Variants in TFAP2D observed in about 807,000 individuals in gnomAD.
TFAP2D encodes the protein transcription factor AP-2 delta.
A neutral mutation model predicts 43.6 loss-of-function variants in TFAP2D; 9 were observed. That is an observed-to-expected ratio of 0.21 (90% CI 0.12 to 0.36). TFAP2D has a LOEUF of 0.36. TFAP2D is among the 10% of genes least tolerant of loss of function. The pLI, the probability that TFAP2D is intolerant of heterozygous loss-of-function variation, is 1.00. For synonymous variants in TFAP2D, 256 were observed against 224.9 expected (o/e 1.14, Z -1.24); for missense variants, 513 against 561.4 (o/e 0.91, Z 0.87).
At chr6:50,763,315 A>T (rs770189366) in intron 7 of TFAP2D, among the ~76,000 whole-genome samples, 13 of 152,120 alleles carry the variant, frequency 8.5e-5, no homozygotes, top group Non-Finnish European at 1.2e-4. Flanking sequence ...CACAAGAGAC[A>T]TCTTTCAAGG....
chr6:50,715,943 C>T (rs1768620466), intron 2 of TFAP2D, among the ~76,000 whole-genome samples: 1 of 152,058 alleles, frequency 6.6e-6, no homozygotes, highest in Admixed American at 6.6e-5. Context: ...ACATTTGTGA[C>T]CCTGAGGGGA....
At chr6:50,737,871 C>A (rs1768985209) in intron 5 of TFAP2D, among the ~76,000 whole-genome samples, 1 of 152,088 alleles carries the variant, frequency 6.6e-6, no homozygotes, top group Non-Finnish European at 1.5e-5. Context: ...CAATGAAGAA[C>A]CTCAAACTTA....
At chr6:50,728,071 A>C (rs1486020057) in intron 3 of TFAP2D, among the ~76,000 whole-genome samples, 1 of 152,164 alleles carries the variant, frequency 6.6e-6, no homozygotes, top group Non-Finnish European at 1.5e-5. Context: ...CAGCATGGCA[A>C]TATTGCCTTG....
chr6:50,744,402 G>C (rs115991249), intron 5 of TFAP2D, among the ~76,000 whole-genome samples: 4 of 151,340 alleles, frequency 2.6e-5, no homozygotes, highest in Non-Finnish European at 5.9e-5. Flanking sequence ...GTGTTCCATG[G>C]TATATATGTA....
At chr6:50,768,335 T>C (rs1186864905) in intron 7 of TFAP2D, among the ~76,000 whole-genome samples, 10 of 71,644 alleles carry the variant, frequency 1.4e-4, no homozygotes, top group South Asian at 3.8e-4. Flanking sequence ...TTCTCTCCCT[T>C]TTTTTTTTTT....
chr6:50,729,089 T>G, intron 4 of TFAP2D, 68 bp downstream of exon 4: 1 of 1,604,446 alleles, frequency 6.2e-7, no homozygotes, highest in South Asian at 1.1e-5. Flanking sequence ...CCCTTAGTCA[T>G]GATGTCTTCC....
Position 50,713,571 on chromosome 6 carries a change from A to G in TFAP2D, c.-485A>G, listed in dbSNP as rs527627663. ...AATAAAATGTGTGCAAATACTCTCC[A>G]CAGAGATAAGTCCCCACCTCAGTCG... On this transcript the variant is annotated 5_prime_UTR_variant, in exon 1 of 8. Transcript: ENST00000008391. 4.6e-5 allele frequency among the ~76,000 whole-genome samples: 7 copies of G among 152,312 alleles called. No individual in the cohort carries two copies. The East Asian group carries it at 1.2e-3, about 25-fold the overall frequency.
At chr6:50,737,219 G>A (rs551092778) in intron 5 of TFAP2D, among the ~76,000 whole-genome samples, 4 of 152,076 alleles carry the variant, frequency 2.6e-5, no homozygotes, top group Non-Finnish European at 5.9e-5. Flanking sequence ...TGACCCTTCC[G>A]CCTTGGCCTC....
At chr6:50,724,034 A>T (rs986765273) in intron 3 of TFAP2D, among the ~76,000 whole-genome samples, 4 of 152,050 alleles carry the variant, frequency 2.6e-5, no homozygotes, top group African/African-American at 9.7e-5. Flanking sequence ...TCAAAGGCCT[A>T]CTTGATTCCA....
intron 3 of TFAP2D, among the ~76,000 whole-genome samples, chr6:50,724,408 C>T (rs1768775560): frequency 6.6e-6 from 1 of 152,194 alleles, no homozygotes; most frequent in Admixed American, 6.5e-5. Flanking sequence ...TTATTTTGCT[C>T]TCAAGATTTG....
intron 7 of TFAP2D, among the ~76,000 whole-genome samples, chr6:50,769,361 G>T (rs143197272): frequency 6.6e-6 from 1 of 152,272 alleles, no homozygotes; most frequent in South Asian, 2.1e-4. Flanking sequence ...TCCAAATCAC[G>T]AAGTGCCTGA....
rs775222966 is a variant in TFAP2D at position 50,772,709 on chromosome 6, C to T, written c.1204C>T (p.Leu402Phe). The T allele has an allele frequency of 6.2e-7, 1 of 1,614,082 alleles. No homozygotes were observed. Among genetic ancestry groups the T allele is most frequent in the African/African-American group, 1.3e-5 (1 of 75,038 alleles). The change falls in exon 8 of 8, where the codon CTC becomes TTC. Residue 402 changes from leucine (L) to phenylalanine (F), a missense_variant. By Grantham distance (22) the Leu-to-Phe change is conservative (BLOSUM62 0). Around this residue, in one of 3 missense-constraint regions of TFAP2D, gnomAD observed 199 missense variants for 227.9 expected, o/e 0.87. Coordinates refer to ENST00000008391, the MANE Select transcript of TFAP2D (RefSeq NM_172238.4). ...AGCTCTAAGCACTTTCCAAACAGTT[C>T]TCAGTGAAATGCTGAACTACTTGGA... ...CAALSTFQTV[L>F]SEMLNYLEKH...
Position 50,773,011 on chromosome 6 carries a change from T to C in TFAP2D, c.*147T>C. ...AAAAAACAAAAATGGAAATGAAAAATGAAACAAAAAAGGACAAAACCAAAA... is the reference window on the plus strand; with the variant it reads ...AAAAAACAAAAATGGAAATGAAAAACGAAACAAAAAAGGACAAAACCAAAA... On this transcript the variant is annotated 3_prime_UTR_variant, in exon 8 of 8. Transcript: ENST00000008391. 1 of 668,762 alleles carries C rather than the reference T, an allele frequency of 1.5e-6. No homozygotes were observed. Among genetic ancestry groups the C allele is most frequent in the Non-Finnish European group, 2.2e-6 (1 of 457,848 alleles). The allele number at this position is 668,762 out of a possible 1,614,324, so 41.4% of individuals were successfully genotyped here.
intron 5 of TFAP2D, among the ~76,000 whole-genome samples, chr6:50,733,508 G>A (rs1222091224): frequency 1.3e-5 from 2 of 151,974 alleles, no homozygotes; most frequent in African/African-American, 4.8e-5. Context: ...CTTCTAGAGT[G>A]GAAATAATTC....
At chr6:50,726,904 T>C (rs1026359856) in intron 3 of TFAP2D, among the ~76,000 whole-genome samples, 2 of 152,184 alleles carry the variant, frequency 1.3e-5, no homozygotes, top group Non-Finnish European at 2.9e-5. Context: ...GGAGAATTTG[T>C]TTTTAGCTCC....
At chr6:50,721,098 T>C (rs1038680085) in intron 3 of TFAP2D, among the ~76,000 whole-genome samples, 2 of 152,214 alleles carry the variant, frequency 1.3e-5, no homozygotes, top group Non-Finnish European at 2.9e-5. Flanking sequence ...TCCAAAATGT[T>C]AGCTACCTTA....
chr6:50,727,409 G>A (rs527786071), intron 3 of TFAP2D, among the ~76,000 whole-genome samples: 2 of 152,196 alleles, frequency 1.3e-5, no homozygotes, highest in South Asian at 2.1e-4. Flanking sequence ...TTCTACCACC[G>A]GTATAATATT....
chr6:50,736,964 C>T (rs1238657064), intron 5 of TFAP2D, among the ~76,000 whole-genome samples: 1 of 151,986 alleles, frequency 6.6e-6, no homozygotes, highest in African/African-American at 2.4e-5. Context: ...ATGCTTTATT[C>T]CTTTTTTTGT....
At chr6:50,743,744 T>G (rs1161898940) in intron 5 of TFAP2D, among the ~76,000 whole-genome samples, 5 of 152,170 alleles carry the variant, frequency 3.3e-5, no homozygotes, top group Non-Finnish European at 7.4e-5. Flanking sequence ...TTTCTTCATA[T>G]TATCAGCTAT....
Sources: allele counts gnomAD v4.1 joint callset (sites outside exome capture counted in the v4.1 genomes callset), GRCh38; gene constraint gnomAD v4.1.1; regional missense constraint gnomAD v4.1.1; transcripts MANE v1.5; gene names NCBI Gene and HGNC (gene_info 2026-07-23, HGNC 2026-07-21).